Variants in NCKAP5 observed in about 807,000 individuals in gnomAD.
NCKAP5 encodes the protein NCK associated protein 5.
A neutral mutation model predicts 167.0 loss-of-function variants in NCKAP5; 92 were observed. That is an observed-to-expected ratio of 0.55 (90% confidence interval 0.47 to 0.66). The LOEUF is 0.66. NCKAP5 is among the 30% of genes least tolerant of loss of function. The pLI, the probability that NCKAP5 is intolerant of heterozygous loss-of-function variation, is 0.00. For synonymous variants in NCKAP5, 891 were observed against 877.4 expected (o/e 1.02, Z -0.27); for missense variants, 2,378 against 2,315.0 (o/e 1.03, Z -0.56).
chr2:133,105,317 A>G (rs2081646685), intron 6 of NCKAP5, among the ~76,000 whole-genome samples: 1 of 152,210 alleles, frequency 6.6e-6, no homozygotes, highest in African/African-American at 2.4e-5. Context: ...AAGGGACATT[A>G]CTTTTTTGTT....
In NCKAP5 at chr2:133,168,546, C is replaced by T. The variant is rs549325607; in HGVS notation, c.208-38435G>A. On this transcript the variant is annotated intron_variant, in intron 5 of 19. Coordinates refer to ENST00000409261, the MANE Select transcript of NCKAP5 (RefSeq NM_207363.3). ...TCCTTCCCAGTATCCAGCTCCCTTCCGCTTTGCCTGCTTGACTTTCTAGAG... is the reference window on the plus strand; with the variant it reads ...TCCTTCCCAGTATCCAGCTCCCTTCTGCTTTGCCTGCTTGACTTTCTAGAG... 7.2e-5 allele frequency among the ~76,000 whole-genome samples: 11 copies of T among 151,962 alleles called. No homozygotes were observed. The South Asian group carries it at 1.2e-3, about 17-fold the overall frequency.
chr2:133,086,341 C>A (rs115539234), intron 6 of NCKAP5, among the ~76,000 whole-genome samples: 1 of 152,080 alleles, frequency 6.6e-6, no homozygotes, highest in Non-Finnish European at 1.5e-5. Flanking sequence ...AAGTAAAATA[C>A]CACATTAAAG....
intron 16 of NCKAP5, among the ~76,000 whole-genome samples, chr2:132,733,392 T>C (rs1359924006): frequency 6.6e-6 from 1 of 152,176 alleles, no homozygotes; most frequent in East Asian, 1.9e-4. Flanking sequence ...TACCACTTCT[T>C]TGGTGCTTTA....
At chr2:133,491,625 A>G (rs1419608340) in intron 3 of NCKAP5, among the ~76,000 whole-genome samples, 1 of 152,212 alleles carries the variant, frequency 6.6e-6, no homozygotes, top group Non-Finnish European at 1.5e-5. Context: ...CCCAGAATAC[A>G]TCAGAATAGA....
chr2:133,275,890 C>A (rs1049924106), intron 4 of NCKAP5, among the ~76,000 whole-genome samples: 10 of 151,398 alleles, frequency 6.6e-5, no homozygotes, highest in Non-Finnish European at 1.5e-4. Context: ...AAACAGTTGA[C>A]CCTTAAACAA....
In NCKAP5 at chr2:132,782,274, G is replaced by A. The variant is rs780728639; in HGVS notation, c.4537C>T (p.Arg1513Trp). Residue 1513 changes from arginine to tryptophan, a missense_variant, in exon 14 of 20, where the codon CGG becomes TGG. Transcript: ENST00000409261. Reference protein sequence around the residue: ...GPSFASWFGFRKSRLPALSSR... With the variant: ...GPSFASWFGFWKSRLPALSSR... Reference sequence around the variant, plus strand: ...CTCAGAGCTGGAAGTCTACTCTTCCGAAAACCAAACCAGCTGGCAAAAGAA... The same window carrying A: ...CTCAGAGCTGGAAGTCTACTCTTCCAAAAACCAAACCAGCTGGCAAAAGAA... 8.1e-6 allele frequency: 13 copies of A among 1,613,894 alleles called. No individual in the cohort carries two copies. The highest frequency in any genetic ancestry group is 3.3e-5 in the Admixed American group (2 of 60,002).
chr2:132,875,668 C>T (rs1691207369), intron 9 of NCKAP5, among the ~76,000 whole-genome samples: 1 of 152,196 alleles, frequency 6.6e-6, no homozygotes, highest in Non-Finnish European at 1.5e-5. Context: ...CAAGGCAATA[C>T]TGTGAATAAA....
At chr2:132,829,175 TTAAA>T (rs1687343440) in intron 11 of NCKAP5, among the ~76,000 whole-genome samples, 1 of 152,210 alleles carries the variant, frequency 6.6e-6, no homozygotes, top group South Asian at 2.1e-4. Context: ...TACAATAAGT[TTAAA>T]TATTTATTTA....
chr2:133,485,285 TC>T (rs1236684609), intron 3 of NCKAP5, among the ~76,000 whole-genome samples: 2 of 152,040 alleles, frequency 1.3e-5, no homozygotes, highest in African/African-American at 2.4e-5. Flanking sequence ...GAGTCTTTCC[TC>T]CCCCCGACAG....
chr2:132,684,100 G>A (rs1275802462), intron 19 of NCKAP5, among the ~76,000 whole-genome samples: 1 of 152,216 alleles, frequency 6.6e-6, no homozygotes, highest in Non-Finnish European at 1.5e-5. Flanking sequence ...TCAAGTTTAA[G>A]TCAGCCATTT....
chr2:133,239,874 C>T (rs1280872025), intron 4 of NCKAP5, among the ~76,000 whole-genome samples: 2 of 152,210 alleles, frequency 1.3e-5, no homozygotes, highest in Non-Finnish European at 2.9e-5. Flanking sequence ...ATCTGCTTCT[C>T]TCAGTTTGGT....
chr2:133,202,485 T>C (rs990911917), intron 5 of NCKAP5, among the ~76,000 whole-genome samples: 1 of 152,148 alleles, frequency 6.6e-6, no homozygotes, highest in African/African-American at 2.4e-5. Context: ...GGACAAGGAC[T>C]TCAGGTCTAA....
intron 8 of NCKAP5, among the ~76,000 whole-genome samples, chr2:132,880,059 A>C (rs568158378): frequency 6.6e-6 from 1 of 152,338 alleles, no homozygotes; most frequent in East Asian, 1.9e-4. Context: ...AAAGACAAAT[A>C]TTGCATGTTC....
intron 3 of NCKAP5, among the ~76,000 whole-genome samples, chr2:133,446,303 T>C (rs1039588508): frequency 1.3e-5 from 2 of 152,070 alleles, no homozygotes; most frequent in African/African-American, 2.4e-5. Context: ...TAAATAGATA[T>C]GATATTAAAG....
chr2:133,107,065 A>AAGT (rs1314952202), intron 6 of NCKAP5, among the ~76,000 whole-genome samples: 4 of 152,164 alleles, frequency 2.6e-5, no homozygotes, highest in African/African-American at 9.7e-5. Flanking sequence ...TTGTAAAAAA[A>AAGT]AGTCATTTTT....
At chr2:132,907,447 T>A (rs901737858) in intron 8 of NCKAP5, among the ~76,000 whole-genome samples, 1 of 152,150 alleles carries the variant, frequency 6.6e-6, no homozygotes, top group African/African-American at 2.4e-5. Context: ...GGCTATAAAC[T>A]CCCATCTTAA....
At chr2:132,815,203 C>G (rs1686170349) in intron 11 of NCKAP5, among the ~76,000 whole-genome samples, 1 of 151,982 alleles carries the variant, frequency 6.6e-6, no homozygotes, top group South Asian at 2.1e-4. Flanking sequence ...CATATTATAC[C>G]ATGTGCAGTA....
chr2:133,404,301 T>C (rs973182294), intron 3 of NCKAP5, among the ~76,000 whole-genome samples: 1 of 152,094 alleles, frequency 6.6e-6, no homozygotes, highest in African/African-American at 2.4e-5. Flanking sequence ...TATTATGAAA[T>C]AAAACTTTGT....
intron 6 of NCKAP5, among the ~76,000 whole-genome samples, chr2:133,023,059 G>A (rs753387005): frequency 3.3e-5 from 5 of 152,130 alleles, no homozygotes; most frequent in Admixed American, 6.5e-5. Context: ...GACTCCCATC[G>A]CAGCCCACAC....
Sources: gnomAD v4.1 joint callset for allele counts (sites outside exome capture counted in the v4.1 genomes callset) on GRCh38, gnomAD v4.1.1 for gene constraint, MANE v1.5 for transcripts, NCBI Gene and HGNC (gene_info 2026-07-23, HGNC 2026-07-21) for gene names.